Variants in NAV3 observed in about 807,000 individuals in gnomAD.
NAV3 encodes neuron navigator 3.
A neutral mutation model predicts 244.7 loss-of-function variants in NAV3; 87 were observed. The observed-to-expected ratio is 0.36, with a 90% CI of 0.30 to 0.42. The LOEUF (loss-of-function observed/expected upper bound fraction) is 0.42. NAV3 is among the 20% of genes least tolerant of loss of function. NAV3 has a pLI of 1.00. For missense variants in NAV3, 2,663 were observed against 2,893.3 expected, an observed-to-expected ratio of 0.92 and a Z score of 1.83; for synonymous variants, 1,126 against 1,042.2, an observed-to-expected ratio of 1.08 and a Z score of -1.55.
chr12:77,912,875 G>T (rs1206846715), intron 1 of NAV3, among the ~76,000 whole-genome samples: 1 of 152,128 alleles, frequency 6.6e-6, no homozygotes, highest in South Asian at 2.1e-4. Context: ...GCCTCCCAAA[G>T]TGCTGGGATT....
At chr12:78,092,210 A>G (rs902968759) in intron 12 of NAV3, among the ~76,000 whole-genome samples, 3 of 152,116 alleles carry the variant, frequency 2.0e-5, no homozygotes, top group African/African-American at 7.2e-5. Context: ...ATTGGGGGAA[A>G]TGCGTGCGAA....
At chr12:77,601,045 T>C (rs1870406805) in intron 2 of NAV3, among the ~76,000 whole-genome samples, 1 of 152,044 alleles carries the variant, frequency 6.6e-6, no homozygotes, top group African/African-American at 2.4e-5. Flanking sequence ...TTGTACCATT[T>C]CCTTACTGAA....
chr12:77,705,499 G>A (rs553181776), intron 2 of NAV3, among the ~76,000 whole-genome samples: 4 of 151,542 alleles, frequency 2.6e-5, no homozygotes, highest in African/African-American at 9.8e-5. Context: ...TTATGAAATG[G>A]CTTTCGACCT....
intron 1 of NAV3, among the ~76,000 whole-genome samples, chr12:77,853,109 A>G (rs1403118667): frequency 6.6e-6 from 1 of 152,222 alleles, no homozygotes; most frequent in Non-Finnish European, 1.5e-5. Flanking sequence ...ACCTGAATGC[A>G]TCTTCAGTTG....
chr12:77,684,294 A>G (rs1874612686), intron 2 of NAV3, among the ~76,000 whole-genome samples: 1 of 152,008 alleles, frequency 6.6e-6, no homozygotes, highest in Admixed American at 6.6e-5. Flanking sequence ...TATTGTTGTT[A>G]TTTAGATAAT....
In NAV3 at chr12:77,808,307, G is replaced by A. The variant is rs139834807; in HGVS notation, c.73-132012G>A. ...TTTGTGCTGATTTTTCCTGATTTTCGTGGATTTATCTACCTTCACTCTTTG... is the reference window on the plus strand; with the variant it reads ...TTTGTGCTGATTTTTCCTGATTTTCATGGATTTATCTACCTTCACTCTTTG... On this transcript the variant is annotated intron_variant, in intron 2 of 8. Coordinates refer to the NAV3 transcript ENST00000550042. Among the ~76,000 whole-genome samples the A allele has an allele frequency of 1.1e-3, 173 of 152,222 alleles. 1 individual carries two copies. The highest frequency in any genetic ancestry group is 3.9e-3 in the African/African-American group (164 of 41,542).
At chr12:77,863,230 G>A (rs1288156080) in intron 1 of NAV3, among the ~76,000 whole-genome samples, 1 of 151,742 alleles carries the variant, frequency 6.6e-6, no homozygotes, top group African/African-American at 2.4e-5. Flanking sequence ...ATAGATATGC[G>A]GATCAGAATA....
intron 2 of NAV3, among the ~76,000 whole-genome samples, chr12:77,809,253 CCAAA>C (rs1387085811): frequency 2.0e-5 from 3 of 152,166 alleles, no homozygotes; most frequent in African/African-American, 7.2e-5. Flanking sequence ...CGGCGTCTGC[CCAAA>C]CAGCCACCCA....
intron 34 of NAV3, among the ~76,000 whole-genome samples, chr12:78,192,088 ATCTG>A (rs1959007482): frequency 6.6e-6 from 1 of 152,126 alleles, no homozygotes; most frequent in African/African-American, 2.4e-5. Flanking sequence ...AAAAATATCT[ATCTG>A]TCTATCTATC....
intron 3 of NAV3, among the ~76,000 whole-genome samples, chr12:77,956,384 C>T (rs980287220): frequency 6.6e-6 from 1 of 152,166 alleles, no homozygotes; most frequent in African/African-American, 2.4e-5. Flanking sequence ...TTTTTCTAGA[C>T]ATTCTCTATG....
chr12:78,014,375 G>A (rs1875822928), intron 8 of NAV3, among the ~76,000 whole-genome samples: 1 of 152,072 alleles, frequency 6.6e-6, no homozygotes, highest in East Asian at 1.9e-4. Flanking sequence ...CTTAGATAAG[G>A]CAAGGCACTA....
intron 12 of NAV3, among the ~76,000 whole-genome samples, chr12:78,115,594 C>T (rs902201869): frequency 6.6e-6 from 1 of 152,086 alleles, no homozygotes; most frequent in African/African-American, 2.4e-5. Context: ...AGTCATGTGC[C>T]ACAGAATGAC....
intron 2 of NAV3, among the ~76,000 whole-genome samples, chr12:77,618,700 T>G (rs2136858308): frequency 6.6e-6 from 1 of 152,322 alleles, no homozygotes; most frequent in South Asian, 2.1e-4. Flanking sequence ...AATCCTTGAA[T>G]ATTACTTTTA....
intron 2 of NAV3, among the ~76,000 whole-genome samples, chr12:77,751,392 A>G (rs911886546): frequency 2.0e-5 from 3 of 152,200 alleles, no homozygotes; most frequent in Non-Finnish European, 2.9e-5. Context: ...ATCTCATTTG[A>G]ATTGTAGTTC....
intron 8 of NAV3, among the ~76,000 whole-genome samples, chr12:78,019,192 A>G (rs1298126089): frequency 6.6e-6 from 1 of 152,202 alleles, no homozygotes; most frequent in Non-Finnish European, 1.5e-5. Context: ...ACTAGCCAAC[A>G]TCACATGAGT....
At chr12:78,206,858 T>TTC (rs952494371) in intron 39 of NAV3, among the ~76,000 whole-genome samples, 1 of 35,882 alleles carries the variant, frequency 2.8e-5, no homozygotes. Flanking sequence ...TTCTTACTTT[T>TTC]TTTTTTTTTT....
chr12:77,773,528 G>T (rs907011845), intron 2 of NAV3, among the ~76,000 whole-genome samples: 1 of 152,028 alleles, frequency 6.6e-6, no homozygotes, highest in South Asian at 2.1e-4. Context: ...AGTAGAAAAA[G>T]AATTCTTGTC....
At chr12:78,176,171 G>A (rs1958216492) in intron 25 of NAV3, among the ~76,000 whole-genome samples, 3 of 151,698 alleles carry the variant, frequency 2.0e-5, no homozygotes, top group Admixed American at 1.3e-4. Context: ...AATAGCCCAG[G>A]GGAAGATACT....
chr12:78,175,135 C>T (rs1023769742), intron 24 of NAV3, among the ~76,000 whole-genome samples, 171 bp from the exon 25 acceptor site: 28 of 151,934 alleles, frequency 1.8e-4, no homozygotes, highest in Non-Finnish European at 1.0e-4. Context: ...TTAATTAAAA[C>T]AAATATGGTT....
Sources: gnomAD v4.1 joint callset for allele counts (sites outside exome capture counted in the v4.1 genomes callset) on GRCh38, gnomAD v4.1.1 for gene constraint, MANE v1.5 for transcripts, NCBI Gene and HGNC (gene_info 2026-07-23, HGNC 2026-07-21) for gene names.